The following EHMT1 variants were observed in gnomAD, a reference collection of about 807,000 sequenced individuals.
The protein encoded by EHMT1 is euchromatic histone lysine methyltransferase 1.
Under a neutral mutation model 147.2 loss-of-function variants are expected in EHMT1, and 15 were observed. The observed-to-expected ratio is 0.10, with a 90% CI of 0.07 to 0.16. The LOEUF (loss-of-function observed/expected upper bound fraction) is 0.16. Ranked by LOEUF, EHMT1 falls within the 10% of genes least tolerant of loss-of-function variation. The pLI is 1.00. For missense variants in EHMT1, 1,587 were observed against 1,772.4 expected, an observed-to-expected ratio of 0.90 and a Z score of 1.88; for synonymous variants, 795 against 709.6, an observed-to-expected ratio of 1.12 and a Z score of -1.91.
chr9:137,756,155 C>T (rs1949360254), intron 8 of EHMT1, among the ~76,000 whole-genome samples: 1 of 152,190 alleles, frequency 6.6e-6, no homozygotes, highest in Non-Finnish European at 1.5e-5. Context: ...CCCTTGTTTT[C>T]TTCTTGGCAT....
At chr9:137,620,266 T>C (rs888026616) in intron 1 of EHMT1, among the ~76,000 whole-genome samples, 1 of 152,196 alleles carries the variant, frequency 6.6e-6, no homozygotes, top group Non-Finnish European at 1.5e-5. Flanking sequence ...TCTAGGCTTG[T>C]AGGGGAGAAG....
chr9:137,709,584 G>T (rs1432973683), intron 1 of EHMT1, among the ~76,000 whole-genome samples: 1 of 152,234 alleles, frequency 6.6e-6, no homozygotes, highest in Non-Finnish European at 1.5e-5. Flanking sequence ...CGTCTGCTTT[G>T]TGGGGAGGAG....
intron 1 of EHMT1, among the ~76,000 whole-genome samples, chr9:137,649,600 G>A (rs536245885): frequency 1.3e-5 from 2 of 152,300 alleles, no homozygotes; most frequent in East Asian, 3.9e-4. Flanking sequence ...AGTCGTCGTA[G>A]ATTTAGGGTG....
At chr9:137,798,337 G>GAA (rs1953135236) in intron 16 of EHMT1, among the ~76,000 whole-genome samples, 1 of 152,184 alleles carries the variant, frequency 6.6e-6, no homozygotes, top group Non-Finnish European at 1.5e-5. Context: ...GGGAATCAGA[G>GAA]GCTGTGGTGA....
chr9:137,722,881 C>T (rs541557476), intron 3 of EHMT1, among the ~76,000 whole-genome samples: 9 of 149,688 alleles, frequency 6.0e-5, no homozygotes, highest in Non-Finnish European at 8.9e-5. Context: ...GGCCTGAGCC[C>T]GGGGTGTGTC....
At chr9:137,805,625 A>G (rs945310371) in intron 18 of EHMT1, among the ~76,000 whole-genome samples, 4 of 151,470 alleles carry the variant, frequency 2.6e-5, no homozygotes, top group African/African-American at 9.7e-5. Flanking sequence ...TCTGAACACC[A>G]TAATAGCCAT....
At chr9:137,781,233 GTGA>G (rs1951492010) in intron 14 of EHMT1, among the ~76,000 whole-genome samples, 1 of 94,986 alleles carries the variant, frequency 1.1e-5, no homozygotes. Flanking sequence ...GGGACGTGTG[GTGA>G]CGACGCTGGG....
At chr9:137,814,259 C>T (rs1248160865) in intron 21 of EHMT1, 172 bp from the exon 22 acceptor site, 1 of 724,360 alleles carries the variant, frequency 1.4e-6, no homozygotes, top group Non-Finnish European at 2.4e-6. Flanking sequence ...AGGCACTCGA[C>T]ATGTTTCTGC....
chr9:137,632,516 G>A (rs916881699), intron 1 of EHMT1, among the ~76,000 whole-genome samples: 1 of 152,114 alleles, frequency 6.6e-6, no homozygotes, highest in Non-Finnish European at 1.5e-5. Context: ...CAGTCCTCCC[G>A]CCTCAGCCTC....
intron 1 of EHMT1, among the ~76,000 whole-genome samples, chr9:137,641,962 C>G (rs1194478783): frequency 6.6e-6 from 1 of 152,080 alleles, no homozygotes; most frequent in East Asian, 1.9e-4. Context: ...GCCTCAGCCT[C>G]CTGAGTAGCT....
intron 6 of EHMT1, chr9:137,747,960 C>G (rs1169992172): frequency 2.0e-5 from 3 of 152,174 alleles, no homozygotes; most frequent in Non-Finnish European, 4.4e-5. Flanking sequence ...TGGAATTACA[C>G]AGAATGCATT....
intron 1 of EHMT1, among the ~76,000 whole-genome samples, chr9:137,658,654 C>T (rs1415892404): frequency 6.6e-6 from 1 of 151,672 alleles, no homozygotes; most frequent in East Asian, 1.9e-4. Context: ...GCCCTGTAGC[C>T]CAGGCTGGAG....
chr9:137,828,086 C>T lies in EHMT1; in HGVS notation c.3541-6263C>T, dbSNP rs191894865. ...GGGAGGGACGTGGACGAACGGCACG[C>T]AGTGGGAGGCCATGGGCAAGGTTGA... On this transcript the variant is annotated intron_variant, in intron 25 of 26. Transcript: ENST00000460843. The surrounding 1 kb of genome is among the most constrained non-coding windows in gnomAD (Gnocchi z 5.3). 9.2e-5 allele frequency among the ~76,000 whole-genome samples: 14 copies of T among 152,256 alleles called. 2 individuals are homozygous for T. Among genetic ancestry groups the T allele is most frequent in the African/African-American group, 3.4e-4 (14 of 41,556 alleles).
intron 18 of EHMT1, chr9:137,802,486 A>G: frequency 2.5e-6 from 1 of 398,686 alleles, no homozygotes; most frequent in Non-Finnish European, 4.4e-6. Flanking sequence ...AAGATTTGAC[A>G]CAGAAAAAGA....
intron 10 of EHMT1, chr9:137,763,164 A>AGTCCATAACT (rs1949965643): frequency 2.3e-6 from 1 of 441,672 alleles, no homozygotes; most frequent in Non-Finnish European, 4.1e-6. Flanking sequence ...CACCAAGGTG[A>AGTCCATAACT]GTCCAGAACT....
chr9:137,728,470 C>G lies in EHMT1; in HGVS notation c.764C>G (p.Ser255Cys). The G allele has an allele frequency of 5.0e-6, 8 of 1,614,082 alleles. No homozygotes were observed. The highest frequency in any genetic ancestry group is 6.8e-6 in the Non-Finnish European group (8 of 1,179,960). ...GRQQLLPPFP[S>C]LHQSLPQNQC... ...CAGCAGCTTTTACCCCCCTTCCCAT[C>G]CCTTCATCAGTCGCTACCTCAGAAC... is the stretch of plus-strand genomic sequence containing the variant. The change falls in exon 4 of 27, where the codon TCC becomes TGC. Residue 255 changes from serine (S) to cysteine (C), a missense_variant. Coordinates refer to ENST00000460843, the MANE Select transcript of EHMT1 (RefSeq NM_024757.5).
At chr9:137,762,980 G>A in intron 10 of EHMT1, 160 bp downstream of exon 10, 1 of 888,716 alleles carries the variant, frequency 1.1e-6, no homozygotes, top group Non-Finnish European at 1.8e-6. Context: ...TCCCAACAGT[G>A]AAATCACGGC....
chr9:137,782,154 C>G lies in EHMT1; in HGVS notation c.2276-137C>G. On this transcript the variant is annotated intron_variant, in intron 14 of 26. Coordinates refer to ENST00000460843, the MANE Select transcript of EHMT1 (RefSeq NM_024757.5). This position sits in a 1 kb window ranked among gnomAD's most constrained non-coding sequence, Gnocchi z 5.7. ...CAAGTCCAGAGGATGGTGCTGTGGGCGGGTTCCGGCGTGGCTCGAGGTGGC... is the reference window on the plus strand; with the variant it reads ...CAAGTCCAGAGGATGGTGCTGTGGGGGGGTTCCGGCGTGGCTCGAGGTGGC... 1.3e-6 allele frequency: 1 copy of G among 742,992 alleles called. No homozygotes were observed. The highest frequency in any genetic ancestry group is 2.0e-5 in the Admixed American group (1 of 49,290). The allele number at this position is 742,992 out of a possible 1,614,324, so 46.0% of individuals were successfully genotyped here.
chr9:137,818,249 A>T, intron 25 of EHMT1, 111 bp downstream of exon 25: 2 of 1,253,850 alleles, frequency 1.6e-6, no homozygotes, highest in South Asian at 2.4e-5. Flanking sequence ...TGTTGACAAG[A>T]GTGGGCTTGC....
Sources: allele counts gnomAD v4.1 joint callset (sites outside exome capture counted in the v4.1 genomes callset), GRCh38; gene constraint gnomAD v4.1.1; non-coding constraint Gnocchi (gnomAD v3.1); transcripts MANE v1.5; gene names NCBI Gene and HGNC (gene_info 2026-07-23, HGNC 2026-07-21).